Variants in DCBLD1 observed in about 807,000 individuals in gnomAD.
DCBLD1 encodes the protein discoidin, CUB and LCCL domain containing 1.
Under a neutral mutation model 71.5 loss-of-function variants are expected in DCBLD1, and 57 were observed. That is an observed-to-expected ratio of 0.80 (90% CI 0.64 to 0.99). DCBLD1 has a LOEUF of 0.99. DCBLD1 is among the 50% of genes least tolerant of loss of function. The probability of loss-of-function intolerance (pLI) is 0.00; values close to 1 mark genes in which losing one functional copy is unlikely to be tolerated. For synonymous variants in DCBLD1, 380 were observed against 363.8 expected (o/e 1.04, Z -0.51); for missense variants, 891 against 923.5 (o/e 0.96, Z 0.46).
rs977365401 is a variant in DCBLD1, at chr6:117,548,974, G to A, written c.*535G>A. On this transcript the variant is annotated 3_prime_UTR_variant, in exon 15 of 15. Transcript: ENST00000338728. ...TCTCCTTTGATAACTAGAACTGAAA[G>A]CATTTTTAACATTCTTCTCCTGGAA... 36 of 986,516 alleles carry A rather than the reference G, an allele frequency of 3.6e-5. No individual in the cohort carries two copies. The highest frequency in any genetic ancestry group is 7.0e-5 in the African/African-American group (4 of 57,242). The allele number at this position is 986,516 out of a possible 1,614,324, so 61.1% of individuals were successfully genotyped here.
chr6:117,545,596 A>C lies in DCBLD1; in HGVS notation c.1614A>C (p.Ala538=). 3 of 1,613,664 alleles carry C rather than the reference A, an allele frequency of 1.9e-6. No individual in the cohort carries two copies. The highest frequency in any genetic ancestry group is 3.3e-5 in the Admixed American group (2 of 59,994). ...QKLDLITSDM[A]DYQQPLMIGT... ...TAGATCTCATCACAAGTGATATGGC[A>C]GGTAAGTGTCATATTTCTAGGACTG... is the stretch of plus-strand genomic sequence containing the variant. Residue 538 remains alanine (A), a splice_region_variant and synonymous_variant, in exon 14 of 15, where the codon GCA becomes GCC. Transcript: ENST00000338728.
At chr6:117,513,537 C>G (rs1315463298) in intron 2 of DCBLD1, among the ~76,000 whole-genome samples, 1 of 152,194 alleles carries the variant, frequency 6.6e-6, no homozygotes, top group Non-Finnish European at 1.5e-5. Context: ...ACTTGATTAA[C>G]TGCTGCACTC....
intron 1 of DCBLD1, among the ~76,000 whole-genome samples, chr6:117,495,290 T>G (rs1777433430): frequency 6.6e-6 from 1 of 152,186 alleles, no homozygotes; most frequent in South Asian, 2.1e-4. Flanking sequence ...TTTCTTAGGA[T>G]CATACAGCCA....
chr6:117,530,065 G>A (rs984518470), intron 5 of DCBLD1, among the ~76,000 whole-genome samples: 19 of 152,120 alleles, frequency 1.2e-4, no homozygotes, highest in Admixed American at 2.6e-4. Context: ...TATGAAGACC[G>A]GGGATCCCAA....
intron 5 of DCBLD1, among the ~76,000 whole-genome samples, chr6:117,525,997 T>G (rs1778536454): frequency 6.6e-6 from 1 of 152,232 alleles, no homozygotes; most frequent in Admixed American, 6.5e-5. Flanking sequence ...TTTAAAAATT[T>G]ACATTGCTAT....
In DCBLD1 at chr6:117,532,507, A is replaced by G. The variant is rs184519701; in HGVS notation, c.719+114A>G. On this transcript the variant is annotated intron_variant, in intron 6 of 14. Coordinates refer to ENST00000338728, the MANE Select transcript of DCBLD1 (RefSeq NM_001366458.2). Reference sequence around the variant, plus strand: ...GGGATGTGATAGCAAGGGTTTGTCAACTGGAAAAATATGCATGAGTGCTTA... The same window carrying G: ...GGGATGTGATAGCAAGGGTTTGTCAGCTGGAAAAATATGCATGAGTGCTTA... The G allele has an allele frequency of 1.3e-4, 181 of 1,354,028 alleles. 1 individual carries two copies. In the African/African-American group the frequency reaches 2.5e-3, roughly 19 times the overall value. The allele number at this position is 1,354,028 out of a possible 1,614,324, so 83.9% of individuals were successfully genotyped here.
chr6:117,545,993 G>GTGTCCTCATACTGACAAGT (rs1273844939), intron 14 of DCBLD1, among the ~76,000 whole-genome samples: 1 of 152,210 alleles, frequency 6.6e-6, no homozygotes, highest in Non-Finnish European at 1.5e-5. Context: ...AGTATGAGAA[G>GTGTCCTCATACTGACAAGT]GGCCTCAGTG....
chr6:117,501,778 A>G (rs1777669274), intron 1 of DCBLD1, among the ~76,000 whole-genome samples: 1 of 152,152 alleles, frequency 6.6e-6, no homozygotes, highest in Non-Finnish European at 1.5e-5. Flanking sequence ...TTTTCATTTA[A>G]TTCTTGGCAA....
At chr6:117,520,067 G>A (rs1475224675) in intron 3 of DCBLD1, 117 bp downstream of exon 3, 5 of 1,467,700 alleles carry the variant, frequency 3.4e-6, no homozygotes, top group African/African-American at 1.4e-5. Context: ...AAGATATGAG[G>A]GAGAAGAGGA....
At chr6:117,524,778 A>G (rs1778494519) in intron 4 of DCBLD1, among the ~76,000 whole-genome samples, 1 of 152,188 alleles carries the variant, frequency 6.6e-6, no homozygotes, top group Non-Finnish European at 1.5e-5. Flanking sequence ...AATAGAATAT[A>G]TTATTAATTT....
intron 14 of DCBLD1, among the ~76,000 whole-genome samples, chr6:117,559,043 G>A (rs1779534334): frequency 6.6e-6 from 1 of 152,152 alleles, no homozygotes; most frequent in Non-Finnish European, 1.5e-5. Context: ...AATAGCCACT[G>A]AGCCATGATT....
intron 1 of DCBLD1, 136 bp from the exon 2 acceptor site, chr6:117,503,631 C>CTTTTTTTT: frequency 1.2e-6 from 1 of 820,600 alleles, no homozygotes; most frequent in Non-Finnish European, 1.9e-6. Flanking sequence ...ATTCAGTCTT[C>CTTTTTTTT]TTTTTTTGTT....
intron 4 of DCBLD1, among the ~76,000 whole-genome samples, chr6:117,523,439 T>C (rs1778448447): frequency 6.6e-6 from 1 of 152,222 alleles, no homozygotes; most frequent in African/African-American, 2.4e-5. Context: ...TGTTATTTAA[T>C]ATGATTATTA....
chr6:117,493,051 T>C (rs561143637), intron 1 of DCBLD1, among the ~76,000 whole-genome samples: 2 of 152,206 alleles, frequency 1.3e-5, no homozygotes, highest in Non-Finnish European at 2.9e-5. Flanking sequence ...TGAAAATAAG[T>C]ATCAGATACA....
At chr6:117,529,958 C>T (rs1300591173) in intron 5 of DCBLD1, among the ~76,000 whole-genome samples, 1 of 152,162 alleles carries the variant, frequency 6.6e-6, no homozygotes, top group Non-Finnish European at 1.5e-5. Flanking sequence ...CTGTTAGATC[C>T]TGTTGCTCGT....
In DCBLD1 at chr6:117,549,458, A is replaced by G; in HGVS notation, c.*1019A>G. ...CTCAAGGAGGCGTCTGTAATTCCAG[A>G]ACAGTCCAGACATCAGCTGTACCTC... On this transcript the variant is annotated 3_prime_UTR_variant, in exon 15 of 15. Transcript: ENST00000338728. 1.0e-6 allele frequency: 1 copy of G among 985,440 alleles called. No homozygotes were observed. The highest frequency in any genetic ancestry group is 1.2e-6 in the Non-Finnish European group (1 of 829,946). 61.0% of individuals were successfully genotyped at this position (985,440 alleles called of 1,614,324 possible). A position where few individuals can be genotyped will look rare whatever the true frequency, so the allele number is the denominator to read the frequency against.
chr6:117,482,959 GCGGGCCGGGCCGGGCCGAGGGC>G (rs1776948437), intron 1 of DCBLD1, 66 bp downstream of exon 1: 25 of 635,136 alleles, frequency 3.9e-5, no homozygotes, highest in Non-Finnish European at 4.5e-5. Flanking sequence ...GGGCTGCGGG[GCGGGCCGGGCCGGGCCGAGGGC>G]TACGGGGCGG....
At chr6:117,510,574 T>G (rs1480532514) in intron 2 of DCBLD1, among the ~76,000 whole-genome samples, 1 of 152,200 alleles carries the variant, frequency 6.6e-6, no homozygotes, top group Non-Finnish European at 1.5e-5. Context: ...GAATTACGTT[T>G]TATTCATGCT....
chr6:117,549,829 C>G (rs1779396160), downstream of DCBLD1: 1 of 985,338 alleles, frequency 1.0e-6, no homozygotes, highest in East Asian at 1.1e-4. Context: ...CAGCCCTGCT[C>G]GCTGGGGTGT....
Sources: gnomAD v4.1 joint callset for allele counts (sites outside exome capture counted in the v4.1 genomes callset) on GRCh38, gnomAD v4.1.1 for gene constraint, MANE v1.5 for transcripts, NCBI Gene and HGNC (gene_info 2026-07-23, HGNC 2026-07-21) for gene names.